Variants in DPH6 observed in about 807,000 individuals in gnomAD.
DPH6 encodes diphthamine biosynthesis 6.
A neutral mutation model predicts 38.2 loss-of-function variants in DPH6; 33 were observed. The ratio of observed to expected loss-of-function variants is 0.86; its 90% CI spans 0.65 to 1.15. The LOEUF (loss-of-function observed/expected upper bound fraction) is 1.15, where lower values mean the gene tolerates loss of function less well. Ranked by LOEUF, DPH6 falls within the 50% of genes most tolerant of loss-of-function variation. The pLI, the probability that DPH6 is intolerant of heterozygous loss-of-function variation, is 0.00. For synonymous variants in DPH6, 108 were observed against 103.0 expected (o/e 1.05, Z -0.30); for missense variants, 325 against 320.0 (o/e 1.02, Z -0.12).
chr15:35,307,889 T>C lies in DPH6; in HGVS notation n.200+65632A>G, dbSNP rs2052106372. ...GCAACAGGTGAATGATGGTACAAAA[T>C]ATATAGATATGTGAACATTCTAGTA... On this transcript the variant is annotated intron_variant and non_coding_transcript_variant, in intron 3 of 3. Coordinates refer to the DPH6 transcript ENST00000560386. 1.3e-5 allele frequency among the ~76,000 whole-genome samples: 2 copies of C among 152,160 alleles called. 1 individual carries two copies. The highest frequency in any genetic ancestry group is 4.1e-4 in the South Asian group (2 of 4,830).
At chr15:35,268,014 C>A (rs1482618152) in intron 3 of DPH6, among the ~76,000 whole-genome samples, 10 of 151,830 alleles carry the variant, frequency 6.6e-5, no homozygotes, top group Non-Finnish European at 1.5e-4. Context: ...ACTAAAAATA[C>A]AAAATATTAG....
At chr15:35,284,222 A>G (rs925608743) in intron 3 of DPH6, among the ~76,000 whole-genome samples, 1 of 152,156 alleles carries the variant, frequency 6.6e-6, no homozygotes, top group Admixed American at 6.5e-5. Context: ...CCAACCTAAT[A>G]AGCATACAAT....
chr15:35,237,848 G>C (rs2051566312), intron 3 of DPH6: 7 of 1,534,408 alleles, frequency 4.6e-6, no homozygotes, highest in Non-Finnish European at 5.4e-6. Flanking sequence ...GGAGGATGAG[G>C]ATGAGGAGGA....
intron 3 of DPH6, among the ~76,000 whole-genome samples, chr15:35,463,390 T>C (rs2054089465): frequency 7.9e-6 from 1 of 126,834 alleles, no homozygotes; most frequent in East Asian, 2.3e-4. Context: ...TATAAATATT[T>C]ATCATATTTA....
chr15:35,187,483 G>A, the DPH6 span, among the ~76,000 whole-genome samples: 1 of 152,118 alleles, frequency 6.6e-6, no homozygotes, highest in Non-Finnish European at 1.5e-5. Context: ...TTATACGTTG[G>A]GGAATACTTG....
chr15:35,213,449 A>G (rs2051396856), downstream of DPH6, among the ~76,000 whole-genome samples: 1 of 152,220 alleles, frequency 6.6e-6, no homozygotes, highest in African/African-American at 2.4e-5. Flanking sequence ...GCTTGTTTAC[A>G]CTTATTTGTA....
downstream of DPH6, among the ~76,000 whole-genome samples, chr15:35,216,918 G>A (rs952312508): frequency 2.0e-5 from 3 of 152,176 alleles, no homozygotes; most frequent in Non-Finnish European, 2.9e-5. Flanking sequence ...TAGATGAGAT[G>A]TATATTTGGG....
rs577984819 is a variant in DPH6 at position 35,518,399 on chromosome 15, A to C, written c.312+19875T>G. On this transcript the variant is annotated intron_variant, in intron 3 of 8. Transcript: ENST00000256538. Reference sequence around the variant, plus strand: ...GCTAGAAAACACAAATAAGGGCTCTAGACTATTATTACTAAGAACCCAGAT... The same window carrying C: ...GCTAGAAAACACAAATAAGGGCTCTCGACTATTATTACTAAGAACCCAGAT... 2.0e-5 allele frequency among the ~76,000 whole-genome samples: 3 copies of C among 152,190 alleles called. No individual in the cohort carries two copies. The East Asian group carries it at 5.8e-4, about 29-fold the overall frequency.
chr15:35,267,376 C>T (rs1270547065), intron 3 of DPH6, among the ~76,000 whole-genome samples: 1 of 152,178 alleles, frequency 6.6e-6, no homozygotes, highest in Non-Finnish European at 1.5e-5. Flanking sequence ...GGACTGAGGC[C>T]TTCTTGGTTC....
intron 5 of DPH6, among the ~76,000 whole-genome samples, chr15:35,441,481 T>TA (rs1758644773): frequency 6.6e-6 from 1 of 152,038 alleles, no homozygotes; most frequent in African/African-American, 2.4e-5. Context: ...TATGCAGCCA[T>TA]AAAAAAGGAT....
At chr15:35,207,980 T>C in the DPH6 span, among the ~76,000 whole-genome samples, 1 of 152,212 alleles carries the variant, frequency 6.6e-6, no homozygotes, top group Non-Finnish European at 1.5e-5. Flanking sequence ...TCTATTACGA[T>C]GACCAGAACT....
chr15:35,546,083 C>A (rs922313934), intron 1 of DPH6, 36 bp downstream of exon 1: 6 of 1,368,288 alleles, frequency 4.4e-6, no homozygotes, highest in South Asian at 1.8e-5. Flanking sequence ...GAGAGCCTGG[C>A]CTAGGAGGAA....
Position 35,454,831 on chromosome 15 carries a change from A to T in DPH6, c.313-11T>A, listed in dbSNP as rs749807105. 6.3e-7 allele frequency: 1 copy of T among 1,584,540 alleles called. No homozygotes were observed. The highest frequency in any genetic ancestry group is 1.8e-5 in the Admixed American group (1 of 55,138). On this transcript the variant is annotated splice_polypyrimidine_tract_variant and intron_variant, in intron 3 of 8. Coordinates refer to ENST00000256538, the MANE Select transcript of DPH6 (RefSeq NM_080650.4). Reference sequence around the variant, plus strand: ...TACTTCTTCTTTTTCCTGAAAATAAAGAAAAAAACCATAACTTTAAAAATA... The same window carrying T: ...TACTTCTTCTTTTTCCTGAAAATAATGAAAAAAACCATAACTTTAAAAATA...
At chr15:35,478,592 C>G (rs1381864807) in intron 3 of DPH6, among the ~76,000 whole-genome samples, 1 of 151,918 alleles carries the variant, frequency 6.6e-6, no homozygotes, top group Non-Finnish European at 1.5e-5. Context: ...TATCATTAAT[C>G]TGCACAGTTC....
At chr15:35,279,104 T>A (rs1411333171) in intron 3 of DPH6, among the ~76,000 whole-genome samples, 18 of 149,722 alleles carry the variant, frequency 1.2e-4, no homozygotes, top group Admixed American at 1.1e-3. Flanking sequence ...GCTTTAAGAT[T>A]TAATGACTGC....
At chr15:35,179,069 G>T in the DPH6 span, among the ~76,000 whole-genome samples, 1 of 151,866 alleles carries the variant, frequency 6.6e-6, no homozygotes, top group African/African-American at 2.4e-5. Context: ...AGCCAGGCAT[G>T]GTGGCACATG....
At chr15:35,489,373 A>T (rs2054446493) in intron 3 of DPH6, 31 of 985,094 alleles carry the variant, frequency 3.1e-5, no homozygotes, top group Middle Eastern at 5.2e-4. Flanking sequence ...GTTTCATTAA[A>T]TTTTTTTCTG....
At chr15:35,207,506 C>G in the DPH6 span, among the ~76,000 whole-genome samples, 2 of 152,064 alleles carry the variant, frequency 1.3e-5, no homozygotes, top group East Asian at 3.9e-4. Flanking sequence ...GTTTTGGTTA[C>G]TATAATAATC....
intron 3 of DPH6, among the ~76,000 whole-genome samples, chr15:35,323,880 T>C (rs957889609): frequency 1.3e-5 from 2 of 152,202 alleles, no homozygotes; most frequent in Non-Finnish European, 2.9e-5. Context: ...AAATTTCTCA[T>C]TTAAAATTTC....
Sources: gnomAD v4.1 joint callset for allele counts (sites outside exome capture counted in the v4.1 genomes callset) on GRCh38, gnomAD v4.1.1 for gene constraint, MANE v1.5 for transcripts, NCBI Gene and HGNC (gene_info 2026-07-23, HGNC 2026-07-21) for gene names.